Variants in ADGRV1 observed in about 807,000 individuals in gnomAD.
ADGRV1 encodes G-protein coupled receptor 98.
Under a neutral mutation model 596.2 loss-of-function variants are expected in ADGRV1, and 359 were observed. That is an observed-to-expected ratio of 0.60 (90% CI 0.55 to 0.66). ADGRV1 has a LOEUF of 0.66. Ranked by LOEUF, ADGRV1 falls within the 30% of genes least tolerant of loss-of-function variation. The pLI, the probability that ADGRV1 is intolerant of heterozygous loss-of-function variation, is 0.00. For missense variants in ADGRV1, 7,274 were observed against 7,575.6 expected (o/e 0.96, Z 1.48); for synonymous variants, 2,681 against 2,679.2 (o/e 1.00, Z -0.02).
Position 90,637,476 on chromosome 5 carries a change from C to T in ADGRV1, c.2017-249C>T, listed in dbSNP as rs545931999. 1.1e-4 allele frequency among the ~76,000 whole-genome samples: 16 copies of T among 151,782 alleles called. No individual in the cohort carries two copies. In the East Asian group the frequency reaches 2.3e-3, roughly 22 times the overall value. On this transcript the variant is annotated intron_variant, in intron 10 of 89. Coordinates refer to ENST00000405460, the MANE Select transcript of ADGRV1 (RefSeq NM_032119.4). ...TATTAAGGCAAACCCAGATTAGACA[C>T]ATTTTTGGGTGAGGGTAGTTTTGTA... is the stretch of plus-strand genomic sequence containing the variant.
intron 83 of ADGRV1, among the ~76,000 whole-genome samples, chr5:90,961,350 A>C (rs1777994482): frequency 6.6e-6 from 1 of 151,828 alleles, no homozygotes; most frequent in Admixed American, 6.6e-5. Flanking sequence ...AATACAAAAA[A>C]TGGTGGCACG....
chr5:90,964,561 A>T (rs546598685), intron 83 of ADGRV1, among the ~76,000 whole-genome samples: 1 of 152,308 alleles, frequency 6.6e-6, no homozygotes, highest in African/African-American at 2.4e-5. Flanking sequence ...AAAAGATAGA[A>T]ATCACAAAGA....
chr5:90,899,017 T>C (rs1444418021), intron 83 of ADGRV1, among the ~76,000 whole-genome samples: 2 of 152,190 alleles, frequency 1.3e-5, no homozygotes, highest in African/African-American at 4.8e-5. Context: ...GAACTGAGGA[T>C]GTGGCACTCA....
chr5:91,068,533 T>C (rs1416306060), intron 85 of ADGRV1, among the ~76,000 whole-genome samples: 2 of 151,254 alleles, frequency 1.3e-5, no homozygotes, highest in African/African-American at 4.9e-5. Flanking sequence ...TAATATAAAA[T>C]TGAGGCACTC....
intron 77 of ADGRV1, among the ~76,000 whole-genome samples, chr5:90,837,480 C>T (rs2150349316): frequency 6.6e-6 from 1 of 150,918 alleles, no homozygotes; most frequent in South Asian, 2.1e-4. Flanking sequence ...AAGCTATTCT[C>T]CCGGCTCAGT....
intron 83 of ADGRV1, among the ~76,000 whole-genome samples, chr5:90,937,900 T>G (rs1199165428): frequency 6.6e-6 from 1 of 152,250 alleles, no homozygotes. Flanking sequence ...TGTTAGCATA[T>G]TCTTTTAATA....
At position 90,845,772 on chromosome 5, in the gene ADGRV1, A is replaced by G. The variant is rs143488421; in HGVS notation, c.17020-2865A>G. Among the ~76,000 whole-genome samples the G allele has an allele frequency of 6.2e-3, 947 of 152,180 alleles. 9 individuals are homozygous for G. The highest frequency in any genetic ancestry group is 0.022 in the African/African-American group (903 of 41,502). Reference sequence around the variant, plus strand: ...TTTTTGCCTCTGCCTGCTCTTTTATATATAGAATTATATCTTAGGGATTTG... The same window carrying G: ...TTTTTGCCTCTGCCTGCTCTTTTATGTATAGAATTATATCTTAGGGATTTG... On this transcript the variant is annotated intron_variant, in intron 78 of 89. Coordinates refer to ENST00000405460, the MANE Select transcript of ADGRV1 (RefSeq NM_032119.4).
chr5:90,872,296 T>G (rs1768765406), intron 83 of ADGRV1, among the ~76,000 whole-genome samples: 1 of 152,194 alleles, frequency 6.6e-6, no homozygotes, highest in Non-Finnish European at 1.5e-5. Context: ...TAAGAGTTTT[T>G]TTTCCCTGAT....
chr5:91,123,562 C>A (rs750994772), intron 87 of ADGRV1, among the ~76,000 whole-genome samples: 4 of 152,166 alleles, frequency 2.6e-5, no homozygotes, highest in Non-Finnish European at 4.4e-5. Context: ...CCTTTTAATA[C>A]CACCACAATG....
intron 87 of ADGRV1, among the ~76,000 whole-genome samples, chr5:91,134,434 C>A (rs1318975783): frequency 6.6e-6 from 1 of 152,040 alleles, no homozygotes; most frequent in Non-Finnish European, 1.5e-5. Context: ...TGATCCCCAC[C>A]CTGCCAGCCT....
At position 90,672,739 on chromosome 5, in the gene ADGRV1, T is replaced by C. The variant is rs1233244417; in HGVS notation, c.4929+17T>C. The C allele has an allele frequency of 1.9e-6, 3 of 1,561,506 alleles. No homozygotes were observed. The highest frequency in any genetic ancestry group is 4.6e-5 in the East Asian group (2 of 43,800). On this transcript the variant is annotated intron_variant, in intron 22 of 89. Transcript: ENST00000405460. ...AGATCAGAGGTAAACCCTACCTTTTTTGTTCCTTTGAAAGCCTCCTGGAAA... is the reference window on the plus strand; with the variant it reads ...AGATCAGAGGTAAACCCTACCTTTTCTGTTCCTTTGAAAGCCTCCTGGAAA...
chr5:90,712,372 T>C lies in ADGRV1; in HGVS notation c.9128T>C (p.Phe3043Ser). Residue 3043 changes from phenylalanine (F) to serine (S), a missense_variant, in exon 42 of 90, where the codon TTT (phenylalanine) becomes TCT (serine). Transcript: ENST00000405460. ...GACATTCCAGAAGGAGATGAAAAAT[T>C]TCAGCTGATTTTAACAAATCCTTCT... ...DDDIPEGDEK[F>S]QLILTNPSPG... is the part of the protein sequence containing the mutation. 1 of 1,583,572 alleles carries C rather than the reference T, an allele frequency of 6.3e-7. No individual in the cohort carries two copies. Among genetic ancestry groups the C allele is most frequent in the East Asian group, 2.3e-5 (1 of 44,362 alleles).
chr5:90,850,758 A>T (rs1766403751), intron 79 of ADGRV1: 1 of 152,154 alleles, frequency 6.6e-6, no homozygotes, highest in African/African-American at 2.4e-5. Context: ...GTTGAGTCCC[A>T]TATCTATGCC....
At chr5:91,021,322 T>G (rs765407463) in intron 85 of ADGRV1, among the ~76,000 whole-genome samples, 3 of 152,108 alleles carry the variant, frequency 2.0e-5, no homozygotes, top group Non-Finnish European at 4.4e-5. Context: ...TTGAATTCTA[T>G]ACGGGGCCTA....
At chr5:90,752,079 G>A (rs141342917) in intron 53 of ADGRV1, among the ~76,000 whole-genome samples, 2 of 152,208 alleles carry the variant, frequency 1.3e-5, no homozygotes, top group Non-Finnish European at 2.9e-5. Flanking sequence ...TTTAGGCTTT[G>A]TGAGCCATTT....
intron 53 of ADGRV1, among the ~76,000 whole-genome samples, chr5:90,752,499 C>T (rs950065165): frequency 7.9e-5 from 12 of 152,088 alleles, no homozygotes; most frequent in Admixed American, 2.6e-4. Flanking sequence ...TCCCTCTATG[C>T]GTCCATGTGT....
At chr5:90,628,960 A>G in intron 8 of ADGRV1, 128 bp downstream of exon 8, 2 of 885,438 alleles carry the variant, frequency 2.3e-6, no homozygotes, top group Non-Finnish European at 3.3e-6. Flanking sequence ...TTTGCAAATG[A>G]TAGTTTTCTT....
chr5:91,036,547 G>A (rs867390671), intron 85 of ADGRV1, among the ~76,000 whole-genome samples: 29 of 150,050 alleles, frequency 1.9e-4, no homozygotes, highest in Admixed American at 4.6e-4. Context: ...GGGCGACAAA[G>A]CGAGACTCCG....
chr5:90,966,976 G>C (rs1436700921), intron 84 of ADGRV1, among the ~76,000 whole-genome samples: 1 of 152,158 alleles, frequency 6.6e-6, no homozygotes, highest in African/African-American at 2.4e-5. Context: ...TGTTGAAGAG[G>C]AAGGTTGTGG....
Sources: allele counts gnomAD v4.1 joint callset (sites outside exome capture counted in the v4.1 genomes callset), GRCh38; gene constraint gnomAD v4.1.1; transcripts MANE v1.5; gene names NCBI Gene and HGNC (gene_info 2026-07-23, HGNC 2026-07-21).